The following GSAP variants were observed in gnomAD, a reference collection of about 807,000 sequenced individuals.
GSAP encodes the protein gamma-secretase-activating protein.
Under a neutral mutation model 131.7 loss-of-function variants are expected in GSAP, and 118 were observed. That is an observed-to-expected ratio of 0.90 (90% CI 0.77 to 1.04). The LOEUF (loss-of-function observed/expected upper bound fraction) is 1.04, where lower values mean the gene tolerates loss of function less well. Ranked by LOEUF, GSAP falls within the 50% of genes least tolerant of loss-of-function variation. The pLI is 0.00. For synonymous variants in GSAP, 381 were observed against 363.4 expected (o/e 1.05, Z -0.55); for missense variants, 1,019 against 1,013.2 (o/e 1.01, Z -0.08).
intron 23 of GSAP, among the ~76,000 whole-genome samples, chr7:77,325,359 A>C (rs1340880677): frequency 2.0e-5 from 3 of 152,210 alleles, no homozygotes; most frequent in Admixed American, 6.5e-5. Context: ...CTAAACTAAT[A>C]AATAGATTAT....
chr7:77,389,220 G>T (rs919687341), intron 5 of GSAP, among the ~76,000 whole-genome samples: 40 of 151,586 alleles, frequency 2.6e-4, no homozygotes, highest in African/African-American at 9.7e-4. Flanking sequence ...TGACCTAAAA[G>T]TATGCGTGTG....
At chr7:77,337,301 TGG>T (rs34134192) in intron 19 of GSAP, among the ~76,000 whole-genome samples, 24 of 65,712 alleles carry the variant, frequency 3.7e-4, no homozygotes, top group Admixed American at 8.5e-4. Context: ...GGGGGTGGGG[TGG>T]GGGGGGGGTT....
At position 77,310,753 on chromosome 7, in the gene GSAP, T is replaced by C. The variant is rs1794267960; in HGVS notation, c.*605A>G. On this transcript the variant is annotated 3_prime_UTR_variant, in exon 31 of 31. Coordinates refer to ENST00000257626, the MANE Select transcript of GSAP (RefSeq NM_017439.4). ...AACAGGGAAAGTCAGGCCAAAACTA[T>C]GTTTTCAGGTTTTTTAATGACTGAC... is the stretch of plus-strand genomic sequence containing the variant. The C allele has an allele frequency of 1.3e-5, 2 of 152,306 alleles. No individual in the cohort carries two copies. Among genetic ancestry groups the C allele is most frequent in the South Asian group, 2.1e-4 (1 of 4,820 alleles). The allele number at this position is 152,306 out of a possible 1,614,324, so 9.4% of individuals were successfully genotyped here. A position where few individuals can be genotyped will look rare whatever the true frequency, so the allele number is the denominator to read the frequency against.
chr7:77,375,051 AACTT>A lies in GSAP; in HGVS notation c.785+3_785+6del. ...TAAAAATTAGTAACAACCTATGAAT[AACTT>A]ACTTAAATCCTGAGTTGCTTAATGA... On this transcript the variant is annotated splice_donor_5th_base_variant and intron_variant, in intron 11 of 30. Transcript: ENST00000257626. 7.1e-7 allele frequency: 1 copy of A among 1,407,972 alleles called. No homozygotes were observed. Among genetic ancestry groups the A allele is most frequent in the Non-Finnish European group, 1.0e-6 (1 of 1,002,140 alleles). The allele number at this position is 1,407,972 out of a possible 1,614,324, so 87.2% of individuals were successfully genotyped here.
At chr7:77,328,431 T>C in intron 22 of GSAP, 175 bp downstream of exon 22, 1 of 1,324,010 alleles carries the variant, frequency 7.6e-7, no homozygotes, top group Non-Finnish European at 9.7e-7. Flanking sequence ...TCCTGGTGCC[T>C]AGACAGACAT....
Position 77,377,325 on chromosome 7 carries a change from C to T in GSAP, c.642G>A (p.Trp214Ter). 1 of 1,584,802 alleles carries T rather than the reference C, an allele frequency of 6.3e-7. No homozygotes were observed. The highest frequency in any genetic ancestry group is 1.2e-5 in the South Asian group (1 of 86,800). The change falls in exon 9 of 31, where the codon TGG becomes TGA. Residue 214 changes from tryptophan (W) to a stop codon, truncating the protein, a stop_gained. Transcript: ENST00000257626. LOFTEE classifies it high-confidence loss of function. The part of the protein sequence containing the change: ...RIAEDFVWAQ[W>*]DMSEQRLYYI... ...AATATAATCTCTGTTCTGACATATC[C>T]CACTGAGCCCAAACGAAATCCTCAG...
At position 77,381,349 on chromosome 7, in the gene GSAP, C is replaced by A; in HGVS notation, c.532G>T (p.Glu178Ter). The change falls in exon 8 of 31, where the codon GAA becomes TAA. Residue 178 changes from glutamate (E) to a stop codon, truncating the protein, a stop_gained. Coordinates refer to ENST00000257626, the MANE Select transcript of GSAP (RefSeq NM_017439.4). LOFTEE classifies it high-confidence loss of function. ...TGGGCGACATGGATACGAAATTGTTCAATATCTTTAAAAGAAAAACAAAGA... is the reference window on the plus strand; with the variant it reads ...TGGGCGACATGGATACGAAATTGTTAAATATCTTTAAAAGAAAAACAAAGA... ...LLLISEEKYI[E>*]QFRIHVAQED... is the part of the protein sequence containing the mutation. 6.6e-7 allele frequency: 1 copy of A among 1,507,168 alleles called. No individual in the cohort carries two copies. The allele number at this position is 1,507,168 out of a possible 1,614,324, so 93.4% of individuals were successfully genotyped here.
chr7:77,373,937 A>G, intron 12 of GSAP, 133 bp downstream of exon 12: 1 of 656,346 alleles, frequency 1.5e-6, no homozygotes, highest in African/African-American at 1.9e-5. Context: ...TTGATACATG[A>G]CAATCCATAT....
chr7:77,391,229 C>A (rs2151096794), intron 5 of GSAP, among the ~76,000 whole-genome samples: 1 of 150,614 alleles, frequency 6.6e-6, no homozygotes, highest in African/African-American at 2.4e-5. Context: ...CAGCTATCAG[C>A]AAGATTTTCT....
chr7:77,362,637 G>T lies in GSAP; in HGVS notation c.895C>A (p.Pro299Thr). ...ATTTGTCCCCAAGAGGCACACTTCGGGCTGTAACATACACACAAACTTCCT... is the reference window on the plus strand; with the variant it reads ...ATTTGTCCCCAAGAGGCACACTTCGTGCTGTAACATACACACAAACTTCCT... ...HTGSLCVCYS[P>T]KCASWGQITY... Residue 299 changes from proline (P) to threonine (T), a missense_variant, in exon 13 of 31, where the codon CCG becomes ACG. Pro to Thr is a conservative substitution (Grantham distance 38, BLOSUM62 -1). Transcript: ENST00000257626. 1 of 1,579,492 alleles carries T rather than the reference G, an allele frequency of 6.3e-7. No individual in the cohort carries two copies. Among genetic ancestry groups the T allele is most frequent in the Non-Finnish European group, 8.7e-7 (1 of 1,149,236 alleles).
At position 77,352,985 on chromosome 7, in the gene GSAP, C is replaced by G. The variant is rs113131509; in HGVS notation, c.1450G>C (p.Asp484His). The G allele has an allele frequency of 2.6e-3, 4,147 of 1,607,844 alleles. 6 individuals are homozygous for G. Among genetic ancestry groups the G allele is most frequent in the Non-Finnish European group, 3.3e-3 (3,887 of 1,174,496 alleles). ...ACTGAGGAATGTGGCAATAGTTTGT[C>G]CATGTTACTTGTCTCTGAATATACA... ...WSVYSETSNMDKLLPHSSVLT... is the reference protein window; with the variant it reads ...WSVYSETSNMHKLLPHSSVLT... Residue 484 changes from aspartate to histidine, a missense_variant, in exon 18 of 31, where the codon GAC becomes CAC. Coordinates refer to ENST00000257626, the MANE Select transcript of GSAP (RefSeq NM_017439.4).
rs1030058991 is a variant in GSAP, at chr7:77,399,709, G to C, written c.244-2294C>G. ...ATTAACTCAAAACTTGAGGTGGGGGGGGGCGGGGCAAAGTGAAGTCAACCC... is the reference window on the plus strand; with the variant it reads ...ATTAACTCAAAACTTGAGGTGGGGGCGGGCGGGGCAAAGTGAAGTCAACCC... On this transcript the variant is annotated intron_variant, in intron 3 of 30. Transcript: ENST00000257626. Among the ~76,000 whole-genome samples the C allele has an allele frequency of 4.0e-4, 61 of 152,020 alleles. No individual in the cohort carries two copies. The Middle Eastern group carries it at 0.014, about 34-fold the overall frequency.
chr7:77,330,152 G>A, intron 20 of GSAP, 87 bp downstream of exon 20: 1 of 1,464,080 alleles, frequency 6.8e-7, no homozygotes, highest in African/African-American at 1.4e-5. Context: ...GCTGCACATG[G>A]AAGCCAGCCT....
intron 5 of GSAP, among the ~76,000 whole-genome samples, chr7:77,392,357 G>A (rs1181090957): frequency 2.0e-5 from 3 of 152,014 alleles, no homozygotes; most frequent in African/African-American, 7.2e-5. Context: ...AGACCAGCCT[G>A]GGCAACATGA....
At chr7:77,402,493 G>A (rs527633809) in intron 3 of GSAP, among the ~76,000 whole-genome samples, 75 of 147,076 alleles carry the variant, frequency 5.1e-4, no homozygotes, top group African/African-American at 1.7e-3. Context: ...TACTTGGGAC[G>A]CTGAGGCAGG....
chr7:77,387,237 T>C (rs1259170135), intron 6 of GSAP, 123 bp downstream of exon 6: 3 of 512,868 alleles, frequency 5.8e-6, no homozygotes, highest in East Asian at 6.3e-5. Context: ...CCAGCCATAG[T>C]AGTCTACAAG....
intron 19 of GSAP, among the ~76,000 whole-genome samples, chr7:77,337,309 G>GGGGGGGGGGGGGGGGGGGGA (rs1790164672): frequency 1.3e-5 from 2 of 149,976 alleles, no homozygotes; most frequent in Non-Finnish European, 1.5e-5. Context: ...GGTGGGGGGG[G>GGGGGGGGGGGGGGGGGGGGA]GGTTACAGGC....
In GSAP at chr7:77,416,214, T is replaced by C. The variant is rs1324594985; in HGVS notation, c.108A>G (p.Ala36=). 18 of 779,498 alleles carry C rather than the reference T, an allele frequency of 2.3e-5. No homozygotes were observed. The highest frequency in any genetic ancestry group is 3.5e-5 in the South Asian group (2 of 57,826). The allele number at this position is 779,498 out of a possible 1,614,324, so 48.3% of individuals were successfully genotyped here. The change falls in exon 1 of 31, where the codon GCA becomes GCG. Residue 36 remains alanine, a splice_region_variant and synonymous_variant. Coordinates refer to ENST00000257626, the MANE Select transcript of GSAP (RefSeq NM_017439.4). ...CTCTCCGCAGCGCGCCTCCCGCACC[T>C]GCGCCGCCGCTTCCGGCCCCGCTGG... The part of the protein sequence containing the change: ...SEASGAGSGG[A]DVLENDYESL...
At chr7:77,323,068 T>C (rs1787884418) in intron 24 of GSAP, among the ~76,000 whole-genome samples, 1 of 152,190 alleles carries the variant, frequency 6.6e-6, no homozygotes. Context: ...GCCTCAACTC[T>C]CTATGCTTTT....
Sources: gnomAD v4.1 joint callset for allele counts (sites outside exome capture counted in the v4.1 genomes callset) on GRCh38, gnomAD v4.1.1 for gene constraint, MANE v1.5 for transcripts, NCBI Gene and HGNC (gene_info 2026-07-23, HGNC 2026-07-21) for gene names.